COP1: variants seen among roughly 807,000 people sequenced by gnomAD.
The protein encoded by COP1 is E3 ubiquitin-protein ligase COP1.
A neutral mutation model predicts 101.3 loss-of-function variants in COP1; 24 were observed. That is an observed-to-expected ratio of 0.24 (90% CI 0.17 to 0.33). COP1 has a LOEUF of 0.33. Ranked by LOEUF, COP1 falls within the 10% of genes least tolerant of loss-of-function variation. The pLI, the probability that COP1 is intolerant of heterozygous loss-of-function variation, is 1.00. For synonymous variants in COP1, 347 were observed against 341.9 expected (o/e 1.01, Z -0.17); for missense variants, 663 against 906.2 (o/e 0.73, Z 3.45).
chr1:176,069,638 C>T (rs79046857), intron 11 of COP1, among the ~76,000 whole-genome samples: 7,529 of 152,226 alleles, frequency 0.049, 444 homozygotes, highest in African/African-American at 0.15. Flanking sequence ...CCAGAGGGTT[C>T]TCCCTCACTT....
chr1:176,195,068 C>T (rs1235896165), intron 1 of COP1, among the ~76,000 whole-genome samples: 1 of 146,734 alleles, frequency 6.8e-6, no homozygotes, highest in Non-Finnish European at 1.5e-5. Context: ...GCCTGGGTGA[C>T]AGAGTGAGAC....
At chr1:176,149,393 A>G (rs1232247192) in intron 5 of COP1, among the ~76,000 whole-genome samples, 1 of 152,116 alleles carries the variant, frequency 6.6e-6, no homozygotes, top group Non-Finnish European at 1.5e-5. Context: ...AACTAAGAAA[A>G]CATCAAAACA....
intron 15 of COP1, among the ~76,000 whole-genome samples, chr1:175,997,877 G>T (rs571246229): frequency 9.9e-5 from 15 of 152,046 alleles, no homozygotes; most frequent in Non-Finnish European, 1.6e-4. Flanking sequence ...AATACCATTT[G>T]ACCCAGCCAT....
intron 3 of COP1, among the ~76,000 whole-genome samples, chr1:176,165,618 C>G (rs1454600215): frequency 6.6e-6 from 1 of 151,940 alleles, no homozygotes; most frequent in East Asian, 1.9e-4. Context: ...TCACTTGAAC[C>G]CAGGAGGTAG....
At chr1:176,015,388 A>G (rs1194750325) in intron 15 of COP1, among the ~76,000 whole-genome samples, 1 of 152,192 alleles carries the variant, frequency 6.6e-6, no homozygotes, top group African/African-American at 2.4e-5. Context: ...CCAATTAACA[A>G]CGACAAGGTC....
intron 18 of COP1, among the ~76,000 whole-genome samples, chr1:175,956,804 CT>C (rs1207536556): frequency 6.6e-6 from 1 of 152,090 alleles, no homozygotes; most frequent in African/African-American, 2.4e-5. Context: ...GTAAAATAGG[CT>C]CAGGCAGGTC....
intron 10 of COP1, among the ~76,000 whole-genome samples, chr1:176,081,875 C>T (rs1296382860): frequency 6.6e-6 from 1 of 152,080 alleles, no homozygotes; most frequent in Non-Finnish European, 1.5e-5. Flanking sequence ...TGAAATTGCT[C>T]CTTTTTATCT....
Position 176,074,174 on chromosome 1 carries a change from G to C in COP1, c.1277+6978C>G, listed in dbSNP as rs150572379. 7.7e-3 allele frequency among the ~76,000 whole-genome samples: 1,170 copies of C among 152,256 alleles called. 17 individuals are homozygous for C. The highest frequency in any genetic ancestry group is 0.026 in the African/African-American group (1,088 of 41,554). On this transcript the variant is annotated intron_variant, in intron 11 of 19. Transcript: ENST00000367669. ...ACTCCTGGCCTCAAGTGATCTGCCTGCCTCGGCCCCGCAAAGTGCTGGGAT... is the reference window on the plus strand; with the variant it reads ...ACTCCTGGCCTCAAGTGATCTGCCTCCCTCGGCCCCGCAAAGTGCTGGGAT...
chr1:175,976,958 T>TA (rs1004291551), intron 18 of COP1, among the ~76,000 whole-genome samples: 1 of 152,162 alleles, frequency 6.6e-6, no homozygotes, highest in Non-Finnish European at 1.5e-5. Context: ...TTGTGAGAAA[T>TA]AAAAAACACT....
intron 11 of COP1, among the ~76,000 whole-genome samples, chr1:176,052,919 G>A (rs1672813405): frequency 1.3e-5 from 2 of 151,778 alleles, no homozygotes; most frequent in Non-Finnish European, 2.9e-5. Context: ...TGTCTCCAAT[G>A]GTTGCACAGA....
chr1:176,190,526 AT>A (rs934480214), intron 1 of COP1, among the ~76,000 whole-genome samples: 5 of 78,424 alleles, frequency 6.4e-5, no homozygotes, highest in South Asian at 4.0e-4. Flanking sequence ...CACTTGGGAC[AT>A]TTAAAAAAAA....
intron 1 of COP1, among the ~76,000 whole-genome samples, chr1:176,204,680 T>C (rs958627888): frequency 2.0e-5 from 3 of 152,178 alleles, no homozygotes; most frequent in Non-Finnish European, 4.4e-5. Flanking sequence ...TCCCAGCACC[T>C]TGGGAGGCCG....
At chr1:176,034,579 C>A (rs955126944) in intron 14 of COP1, among the ~76,000 whole-genome samples, 1 of 152,074 alleles carries the variant, frequency 6.6e-6, no homozygotes, top group Admixed American at 6.6e-5. Flanking sequence ...ACCTTCTTGA[C>A]AAAGTATCAG....
At chr1:175,950,576 T>C (rs1408161880) in intron 18 of COP1, among the ~76,000 whole-genome samples, 1 of 152,208 alleles carries the variant, frequency 6.6e-6, no homozygotes, top group Non-Finnish European at 1.5e-5. Context: ...CTACTATAAA[T>C]AAGTTCTAGC....
At chr1:176,131,753 C>T (rs991238051) in intron 8 of COP1, among the ~76,000 whole-genome samples, 5 of 151,822 alleles carry the variant, frequency 3.3e-5, no homozygotes, top group Admixed American at 6.6e-5. Flanking sequence ...GATTTCAAAT[C>T]GTAATCTTAA....
At chr1:176,032,266 G>A (rs1668766126) in intron 14 of COP1, among the ~76,000 whole-genome samples, 1 of 151,958 alleles carries the variant, frequency 6.6e-6, no homozygotes, top group African/African-American at 2.4e-5. Context: ...AAAACTCAGG[G>A]GCAATGTGTA....
At chr1:176,170,316 C>T (rs1212656576) in intron 3 of COP1, among the ~76,000 whole-genome samples, 4 of 152,152 alleles carry the variant, frequency 2.6e-5, no homozygotes, top group South Asian at 4.1e-4. Context: ...ATTTACTTTG[C>T]CCAGATCTCA....
chr1:175,955,965 C>A (rs544895821), intron 18 of COP1, among the ~76,000 whole-genome samples: 1 of 152,146 alleles, frequency 6.6e-6, no homozygotes, highest in Admixed American at 6.5e-5. Flanking sequence ...TAAAATCATA[C>A]AAACTTTTCT....
At chr1:176,003,208 T>C (rs1435140866) in intron 15 of COP1, among the ~76,000 whole-genome samples, 3 of 151,382 alleles carry the variant, frequency 2.0e-5, no homozygotes. Context: ...GGGGTTGTTT[T>C]CTTGTAAATT....
Sources: allele counts gnomAD v4.1 joint callset (sites outside exome capture counted in the v4.1 genomes callset), GRCh38; gene constraint gnomAD v4.1.1; transcripts MANE v1.5; gene names NCBI Gene and HGNC (gene_info 2026-07-23, HGNC 2026-07-21).